The following PSMD11 variants were observed in gnomAD, a reference collection of about 807,000 sequenced individuals.
PSMD11 encodes the protein proteasome 26S subunit, non-ATPase 11.
A neutral mutation model predicts 62.3 loss-of-function variants in PSMD11; 5 were observed. The observed-to-expected ratio is 0.08, with a 90% CI of 0.04 to 0.17. The LOEUF is 0.17. PSMD11 is among the 10% of genes least tolerant of loss of function. PSMD11 has a pLI of 1.00. For missense variants in PSMD11, 310 were observed against 512.9 expected, an observed-to-expected ratio of 0.60 and a Z score of 3.82; for synonymous variants, 191 against 191.8, an observed-to-expected ratio of 1.00 and a Z score of 0.03.
rs758179765 is a variant in PSMD11 at position 32,446,782 on chromosome 17, C to CT, written c.92-153dup. Among the ~76,000 whole-genome samples, 162 of 137,408 alleles carry CT rather than the reference C, an allele frequency of 1.2e-3. 1 individual carries two copies. In the East Asian group the frequency reaches 0.023, roughly 20 times the overall value. 90.1% of individuals were successfully genotyped at this position (137,408 alleles called of 152,430 possible). A position where few individuals can be genotyped will look rare whatever the true frequency, so the allele number is the denominator to read the frequency against. On this transcript the variant is annotated intron_variant, in intron 1 of 13. Transcript: ENST00000261712. ...GGAGCATATTCTACGTATATATGAT[C>CT]TTTTTTTTTTCCTGGCTTAGAGTTT...
At position 32,483,269 on chromosome 17, in the gene PSMD11, T is replaced by C. The variant is rs1908562407; in HGVS notation, c.*2517T>C. 1 of 152,224 alleles carries C rather than the reference T, an allele frequency of 6.6e-6. No homozygotes were observed. Among genetic ancestry groups the C allele is most frequent in the Non-Finnish European group, 1.5e-5 (1 of 68,034 alleles). The allele number at this position is 152,224 out of a possible 1,614,324, so 9.4% of individuals were successfully genotyped here. A position where few individuals can be genotyped will look rare whatever the true frequency, so the allele number is the denominator to read the frequency against. ...TATGTCAATAACTTTTTTATATATG[T>C]GTTGAAATATTTTGGGTATTGGGTT... is the stretch of plus-strand genomic sequence containing the variant. On this transcript the variant is annotated 3_prime_UTR_variant, in exon 14 of 14. Coordinates refer to ENST00000261712, the MANE Select transcript of PSMD11 (RefSeq NM_002815.4).
intron 2 of PSMD11, among the ~76,000 whole-genome samples, chr17:32,450,947 A>G (rs1160173488): frequency 6.6e-6 from 1 of 151,658 alleles, no homozygotes; most frequent in African/African-American, 2.4e-5. Context: ...TAAGGAGACC[A>G]CATATCTACA....
chr17:32,461,587 A>AG (rs1458856287), intron 3 of PSMD11, among the ~76,000 whole-genome samples: 1 of 151,164 alleles, frequency 6.6e-6, no homozygotes, highest in South Asian at 2.1e-4. Context: ...AAAAGAAAAA[A>AG]AAAAAGGAAA....
At position 32,479,346 on chromosome 17, in the gene PSMD11, C is replaced by A. The variant is rs201382857; in HGVS notation, c.1008C>A (p.Ile336=). The change falls in exon 10 of 14, where the codon ATC becomes ATA. Residue 336 remains isoleucine (I), a synonymous_variant. Coordinates refer to ENST00000261712, the MANE Select transcript of PSMD11 (RefSeq NM_002815.4). Reference sequence around the variant, plus strand: ...ATAACTTACTAGAACAGAATCTGATCCGAGTCATTGAGCCTTTTTCCAGAG... The same window carrying A: ...ATAACTTACTAGAACAGAATCTGATACGAGTCATTGAGCCTTTTTCCAGAG... ...LYDNLLEQNL[I]RVIEPFSRVQ... is the part of the protein sequence containing the mutation. The A allele has an allele frequency of 1.9e-5, 30 of 1,614,174 alleles. No individual in the cohort carries two copies. The East Asian group carries it at 6.5e-4, about 35-fold the overall frequency.
chr17:32,451,630 T>C (rs1907501915), intron 2 of PSMD11, among the ~76,000 whole-genome samples: 1 of 152,160 alleles, frequency 6.6e-6, no homozygotes, highest in Non-Finnish European at 1.5e-5. Flanking sequence ...TGGTCATCAG[T>C]GGTAGAGTTC....
At chr17:32,452,279 C>G (rs1364884534) in intron 2 of PSMD11, among the ~76,000 whole-genome samples, 1 of 152,162 alleles carries the variant, frequency 6.6e-6, no homozygotes, top group Non-Finnish European at 1.5e-5. Flanking sequence ...GACTGTATAT[C>G]TGATGTAAGC....
chr17:32,451,589 G>T (rs553714069), intron 2 of PSMD11, among the ~76,000 whole-genome samples: 16 of 152,202 alleles, frequency 1.1e-4, no homozygotes, highest in African/African-American at 3.9e-4. Flanking sequence ...TTGAAATAAA[G>T]AAATTAAAAA....
At chr17:32,447,885 CT>C (rs755811348) in intron 2 of PSMD11, among the ~76,000 whole-genome samples, 208 of 140,944 alleles carry the variant, frequency 1.5e-3, no homozygotes, top group South Asian at 4.5e-3. Context: ...TTTTCTTTTT[CT>C]TTTTTTTTTT....
chr17:32,468,914 C>A (rs1597839198), intron 5 of PSMD11, 85 bp from the exon 6 acceptor site: 2 of 1,201,682 alleles, frequency 1.7e-6, no homozygotes, highest in Non-Finnish European at 2.2e-6. Context: ...TTTTTTTAAT[C>A]CTGAGTGTTA....
In PSMD11 at chr17:32,444,542, G is replaced by C. The variant is rs768709789; in HGVS notation, c.19G>C (p.Val7Leu). ...CGGTAAGATGGCGGCGGCGGCGGTG[G>C]TGGAGTTCCAGAGAGCCCAGTCTCT... MAAAAV[V>L]EFQRAQSLLS... Residue 7 changes from valine (V) to leucine (L), a missense_variant, in exon 1 of 14, where the codon GTG becomes CTG. Around this residue, in one of 6 missense-constraint regions of PSMD11, gnomAD observed 28 missense variants for 21.2 expected, o/e 1.32. Transcript: ENST00000261712. 6.2e-7 allele frequency: 1 copy of C among 1,607,376 alleles called. No homozygotes were observed. Among genetic ancestry groups the C allele is most frequent in the African/African-American group, 1.3e-5 (1 of 74,686 alleles).
chr17:32,475,102 T>G (rs1233230098), intron 8 of PSMD11, among the ~76,000 whole-genome samples: 1 of 152,212 alleles, frequency 6.6e-6, no homozygotes, highest in African/African-American at 2.4e-5. Context: ...CATTTGGCTT[T>G]GACCAGAAGA....
At chr17:32,452,296 G>A (rs1907528026) in intron 2 of PSMD11, among the ~76,000 whole-genome samples, 1 of 152,192 alleles carries the variant, frequency 6.6e-6, no homozygotes, top group African/African-American at 2.4e-5. Context: ...AAGCAGGGTA[G>A]TTGAACATTT....
At chr17:32,455,882 G>A (rs1163903678) in intron 3 of PSMD11, among the ~76,000 whole-genome samples, 3 of 152,038 alleles carry the variant, frequency 2.0e-5, no homozygotes, top group Non-Finnish European at 4.4e-5. Context: ...GGTGGCTCAC[G>A]CCTGTAATCC....
chr17:32,452,087 A>T (rs961473306), intron 2 of PSMD11, among the ~76,000 whole-genome samples: 2 of 152,172 alleles, frequency 1.3e-5, no homozygotes, highest in African/African-American at 4.8e-5. Context: ...TCTGCATGCC[A>T]CCTGTTTTTG....
intron 3 of PSMD11, among the ~76,000 whole-genome samples, chr17:32,459,029 A>G (rs1907729854): frequency 1.3e-5 from 2 of 150,110 alleles, no homozygotes; most frequent in East Asian, 3.9e-4. Context: ...CAGGAGGTAG[A>G]GGTTCCAGTG....
chr17:32,447,824 G>T (rs1236281174), intron 2 of PSMD11, among the ~76,000 whole-genome samples: 4 of 151,944 alleles, frequency 2.6e-5, no homozygotes, highest in Admixed American at 2.6e-4. Context: ...TCAAGAGAAT[G>T]ATGGGGGTTA....
In PSMD11 at chr17:32,454,619, G is replaced by A; in HGVS notation, c.318G>A (p.Glu106=). 1 of 1,611,558 alleles carries A rather than the reference G, an allele frequency of 6.2e-7. No individual in the cohort carries two copies. Among genetic ancestry groups the A allele is most frequent in the Non-Finnish European group, 8.5e-7 (1 of 1,179,224 alleles). ...FLDMEAATGQ[E]VELCLECIEW... is the part of the protein sequence containing the mutation. ...ATATGGAAGCAGCTACAGGGCAGGA[G>A]GTAAGTGATATTAATGACAGAAAGT... Residue 106 remains glutamate, a splice_region_variant and synonymous_variant, in exon 3 of 14, where the codon GAG becomes GAA. Transcript: ENST00000261712.
rs1454740053 is a variant in PSMD11, at chr17:32,481,483, A to G, written c.*731A>G. 5 of 150,496 alleles carry G rather than the reference A, an allele frequency of 3.3e-5. No homozygotes were observed. Among genetic ancestry groups the G allele is most frequent in the Admixed American group, 6.7e-5 (1 of 15,010 alleles). The allele number at this position is 150,496 out of a possible 1,614,324, so 9.3% of individuals were successfully genotyped here. On this transcript the variant is annotated 3_prime_UTR_variant, in exon 14 of 14. Transcript: ENST00000261712. ...GGAGCAGTGTGGGCCCTTAGCCCCC[A>G]AGGGGCCTGCTATGCATGTGGCTTT...
intron 2 of PSMD11, among the ~76,000 whole-genome samples, chr17:32,453,718 C>G (rs931591292): frequency 6.6e-6 from 1 of 152,126 alleles, no homozygotes; most frequent in Non-Finnish European, 1.5e-5. Context: ...TTGAGTTGAA[C>G]CATTCTCTAA....
Sources: gnomAD v4.1 joint callset for allele counts (sites outside exome capture counted in the v4.1 genomes callset) on GRCh38, gnomAD v4.1.1 for gene constraint, gnomAD v4.1.1 regional missense constraint, MANE v1.5 for transcripts, NCBI Gene and HGNC (gene_info 2026-07-23, HGNC 2026-07-21) for gene names.